NALF1: variants seen among roughly 807,000 people sequenced by gnomAD.
The protein encoded by NALF1 is family with sequence similarity 155 member A.
Under a neutral mutation model 48.4 loss-of-function variants are expected in NALF1, and 3 were observed. The observed-to-expected ratio is 0.06, with a 90% CI of 0.03 to 0.16. The LOEUF (loss-of-function observed/expected upper bound fraction) is 0.16. Among genes scored for constraint, NALF1 ranks in the 10% least tolerant of loss-of-function variants. The probability of loss-of-function intolerance (pLI) is 1.00; values close to 1 mark genes in which losing one functional copy is unlikely to be tolerated. For synonymous variants in NALF1, 262 were observed against 245.7 expected, an observed-to-expected ratio of 1.07 and a Z score of -0.62; for missense variants, 526 against 571.5, an observed-to-expected ratio of 0.92 and a Z score of 0.81.
At chr13:107,246,192 A>G (rs1880580797) in intron 1 of NALF1, among the ~76,000 whole-genome samples, 1 of 152,156 alleles carries the variant, frequency 6.6e-6, no homozygotes, top group Non-Finnish European at 1.5e-5. Context: ...ACAAATTTTC[A>G]GGGGTAAGTT....
In NALF1 at chr13:107,177,022, A is replaced by G. The variant is rs561551229; in HGVS notation, c.1088-6236T>C. Reference sequence around the variant, plus strand: ...GTTAGAACTAATAAACAAATTCAGTAAAGTTACAGGATACAACATCAACAT... The same window carrying G: ...GTTAGAACTAATAAACAAATTCAGTGAAGTTACAGGATACAACATCAACAT... On this transcript the variant is annotated intron_variant, in intron 2 of 2. Coordinates refer to ENST00000375915, the MANE Select transcript of NALF1 (RefSeq NM_001080396.3). 2.6e-5 allele frequency among the ~76,000 whole-genome samples: 4 copies of G among 152,252 alleles called. No individual in the cohort carries two copies. The South Asian group carries it at 8.3e-4, about 32-fold the overall frequency.
chr13:107,619,371 C>T (rs1879465613), intron 1 of NALF1, among the ~76,000 whole-genome samples: 1 of 152,124 alleles, frequency 6.6e-6, no homozygotes, highest in African/African-American at 2.4e-5. Context: ...GAGAATCAGC[C>T]TTTTGATAAA....
rs1405479872 is a variant in NALF1 at position 107,169,266 on chromosome 13, C to A, written c.*1231G>T. On this transcript the variant is annotated 3_prime_UTR_variant, in exon 3 of 3. Coordinates refer to ENST00000375915, the MANE Select transcript of NALF1 (RefSeq NM_001080396.3). Reference sequence around the variant, plus strand: ...CTCTGTGATAATGCAGAATTGCATACACTGTATACCTGGAATAATTTTAAA... The same window carrying A: ...CTCTGTGATAATGCAGAATTGCATAAACTGTATACCTGGAATAATTTTAAA... The A allele has an allele frequency of 6.6e-6, 1 of 152,156 alleles. No homozygotes were observed. Among genetic ancestry groups the A allele is most frequent in the Non-Finnish European group, 1.5e-5 (1 of 68,034 alleles). 9.4% of individuals were successfully genotyped at this position (152,156 alleles called of 1,614,324 possible).
At chr13:107,323,155 T>C (rs937572136) in intron 1 of NALF1, among the ~76,000 whole-genome samples, 1 of 152,082 alleles carries the variant, frequency 6.6e-6, no homozygotes, top group African/African-American at 2.4e-5. Context: ...CCTTCCAGAT[T>C]TTCAGTAGCA....
In NALF1 at chr13:107,509,683, A is replaced by G. The variant is rs1256145387; in HGVS notation, c.916-298928T>C. Among the ~76,000 whole-genome samples the G allele has an allele frequency of 2.0e-5, 3 of 152,216 alleles. No homozygotes were observed. The East Asian group carries it at 5.8e-4, about 29-fold the overall frequency. ...GGATTAATACAATCAGAAGTCAGCA[A>G]CAAGTTATTAGCCATTTCAAAAGAC... On this transcript the variant is annotated intron_variant, in intron 1 of 2. Coordinates refer to ENST00000375915, the MANE Select transcript of NALF1 (RefSeq NM_001080396.3).
chr13:107,712,936 G>A (rs936402466), intron 1 of NALF1, among the ~76,000 whole-genome samples: 10 of 152,186 alleles, frequency 6.6e-5, no homozygotes, highest in African/African-American at 2.2e-4. Flanking sequence ...GGTCCACCAG[G>A]TTTCCTTTCC....
intron 1 of NALF1, among the ~76,000 whole-genome samples, chr13:107,813,337 C>T (rs766546798): frequency 1.3e-5 from 2 of 152,058 alleles, no homozygotes; most frequent in Non-Finnish European, 2.9e-5. Flanking sequence ...GGTTTATAAA[C>T]ACAAGCTTAA....
chr13:107,468,944 C>T (rs947248909), intron 1 of NALF1, among the ~76,000 whole-genome samples: 1 of 152,112 alleles, frequency 6.6e-6, no homozygotes, highest in African/African-American at 2.4e-5. Context: ...AAAGATACAA[C>T]AGCATGATTA....
chr13:107,356,478 G>T (rs935688732), intron 1 of NALF1, among the ~76,000 whole-genome samples: 4 of 152,240 alleles, frequency 2.6e-5, no homozygotes, highest in Non-Finnish European at 5.9e-5. Context: ...AAATTGCTTA[G>T]AAAGCAAAAT....
At chr13:107,423,431 C>T (rs1240394075) in intron 1 of NALF1, among the ~76,000 whole-genome samples, 1 of 152,092 alleles carries the variant, frequency 6.6e-6, no homozygotes, top group Non-Finnish European at 1.5e-5. Context: ...CCGTCTTGCC[C>T]TGTTCTGCAG....
At chr13:107,349,632 T>C (rs531394764) in intron 1 of NALF1, among the ~76,000 whole-genome samples, 1 of 151,650 alleles carries the variant, frequency 6.6e-6, no homozygotes, top group African/African-American at 2.4e-5. Context: ...TCCCAGCTAC[T>C]TGGAAAGCTG....
At chr13:107,832,516 T>C (rs1879768829) in intron 1 of NALF1, among the ~76,000 whole-genome samples, 1 of 152,148 alleles carries the variant, frequency 6.6e-6, no homozygotes, top group African/African-American at 2.4e-5. Context: ...AAATCTAATA[T>C]GTACAAAACT....
chr13:107,262,839 A>C (rs1208654010), intron 1 of NALF1, among the ~76,000 whole-genome samples: 1 of 151,710 alleles, frequency 6.6e-6, no homozygotes, highest in Admixed American at 6.6e-5. Flanking sequence ...GGGGACCAAA[A>C]CAGATCATGG....
Position 107,272,503 on chromosome 13 carries a change from C to T in NALF1, c.916-61748G>A, listed in dbSNP as rs1339342637. Among the ~76,000 whole-genome samples the T allele has an allele frequency of 2.0e-4, 3 of 15,086 alleles. 1 individual carries two copies. Among genetic ancestry groups the T allele is most frequent in the African/African-American group, 3.8e-4 (3 of 7,998 alleles). 9.9% of individuals were successfully genotyped at this position (15,086 alleles called of 152,430 possible). A position where few individuals can be genotyped will look rare whatever the true frequency, so the allele number is the denominator to read the frequency against. On this transcript the variant is annotated intron_variant, in intron 1 of 2. Coordinates refer to ENST00000375915, the MANE Select transcript of NALF1 (RefSeq NM_001080396.3). ...TGCTGGGATTACAGGCGTGAGCCAC[C>T]GCGCCCGGCCTAGAATTTTTTAAAA...
At chr13:107,768,229 G>C (rs1398641008) in intron 1 of NALF1, among the ~76,000 whole-genome samples, 1 of 152,100 alleles carries the variant, frequency 6.6e-6, no homozygotes, top group South Asian at 2.1e-4. Flanking sequence ...GCAGTATCTG[G>C]CACAAAATAA....
chr13:107,554,987 T>C (rs1877415269), intron 1 of NALF1, among the ~76,000 whole-genome samples: 1 of 152,140 alleles, frequency 6.6e-6, no homozygotes, highest in African/African-American at 2.4e-5. Context: ...CTCTGCTGAA[T>C]AACATTTTTC....
chr13:107,608,920 A>G (rs1879146740), intron 1 of NALF1, among the ~76,000 whole-genome samples: 1 of 152,180 alleles, frequency 6.6e-6, no homozygotes, highest in Non-Finnish European at 1.5e-5. Flanking sequence ...AGAGTGGGAC[A>G]CCTGTGCTGG....
chr13:107,601,230 G>A (rs1040428361), intron 1 of NALF1, among the ~76,000 whole-genome samples: 8 of 152,162 alleles, frequency 5.3e-5, no homozygotes, highest in Non-Finnish European at 1.0e-4. Flanking sequence ...TCAGGCTGGA[G>A]GTGATGGGGA....
At chr13:107,345,937 A>G (rs1882763885) in intron 1 of NALF1, among the ~76,000 whole-genome samples, 1 of 152,194 alleles carries the variant, frequency 6.6e-6, no homozygotes, top group Non-Finnish European at 1.5e-5. Context: ...CCCAAGGAAC[A>G]TATAAATTAA....
Sources: gnomAD v4.1 joint callset for allele counts (sites outside exome capture counted in the v4.1 genomes callset) on GRCh38, gnomAD v4.1.1 for gene constraint, MANE v1.5 for transcripts, NCBI Gene and HGNC (gene_info 2026-07-23, HGNC 2026-07-21) for gene names.